Variants in SLCO5A1 observed in about 807,000 individuals in gnomAD.
SLCO5A1 encodes solute carrier organic anion transporter family member 5A1.
SLCO5A1 carries 39 observed loss-of-function variants against 65.1 expected under a neutral mutation model. The observed-to-expected ratio is 0.60, with a 90% CI of 0.46 to 0.78. The LOEUF (loss-of-function observed/expected upper bound fraction) is 0.78, where lower values mean the gene tolerates loss of function less well. SLCO5A1 is among the 30% of genes least tolerant of loss of function. SLCO5A1 has a pLI of 0.00. For missense variants in SLCO5A1, 1,029 were observed against 1,069.4 expected, an observed-to-expected ratio of 0.96 and a Z score of 0.53; for synonymous variants, 438 against 415.7, an observed-to-expected ratio of 1.05 and a Z score of -0.65.
Position 69,679,524 on chromosome 8 carries a change from G to A in SLCO5A1, c.1878C>T (p.Val626=), listed in dbSNP as rs773341656. 3.2e-5 allele frequency: 51 copies of A among 1,614,204 alleles called. 1 individual carries two copies. The highest frequency in any genetic ancestry group is 1.1e-4 in the East Asian group (5 of 44,880). Residue 626 remains valine, a synonymous_variant, in exon 8 of 10, where the codon GTC becomes GTT. Coordinates refer to ENST00000260126, the MANE Select transcript of SLCO5A1 (RefSeq NM_030958.3). ...GQRSQLRVVI[V]KTYLNENGYA... ...AGCCGTTCTCATTGAGATAAGTCTT[G>A]ACAATAACCACACGGAGCTGACTTC...
chr8:69,808,174 T>G (rs1183506961), intron 2 of SLCO5A1, among the ~76,000 whole-genome samples: 4 of 152,092 alleles, frequency 2.6e-5, no homozygotes, highest in African/African-American at 9.7e-5. Flanking sequence ...TTTTTTTTTT[T>G]TTTACTTTTA....
chr8:69,772,944 G>T, intron 2 of SLCO5A1: 4 of 985,366 alleles, frequency 4.1e-6, no homozygotes, highest in Non-Finnish European at 4.8e-6. Context: ...TCAGTGAGTG[G>T]GTGCAACAAG....
intron 2 of SLCO5A1, among the ~76,000 whole-genome samples, chr8:69,767,432 C>G (rs1464887225): frequency 6.6e-6 from 1 of 152,198 alleles, no homozygotes; most frequent in Non-Finnish European, 1.5e-5. Flanking sequence ...AGCTCCAATT[C>G]TCAACAATCT....
At chr8:69,807,067 C>T (rs758366692) in intron 2 of SLCO5A1, among the ~76,000 whole-genome samples, 2 of 152,186 alleles carry the variant, frequency 1.3e-5, no homozygotes, top group Non-Finnish European at 2.9e-5. Flanking sequence ...AAGCTGGAGG[C>T]ATCATATTAC....
At chr8:69,677,670 TG>T (rs1666689070) in intron 8 of SLCO5A1, among the ~76,000 whole-genome samples, 1 of 152,194 alleles carries the variant, frequency 6.6e-6, no homozygotes, top group Non-Finnish European at 1.5e-5. Context: ...AACAAACCAG[TG>T]GGCCTTTCAT....
Position 69,679,564 on chromosome 8 carries a change from G to A in SLCO5A1, c.1838C>T (p.Pro613Leu), listed in dbSNP as rs763578020. The stretch of plus-strand genomic sequence containing the variant: ...GAGCTGACTTCGCTGTCCCACGGTG[G>A]GTGGAGTGATCACTTGGCGACTTTG... Reference protein sequence around the residue: ...CVQSRQVITPPTVGQRSQLRV... With the variant: ...CVQSRQVITPLTVGQRSQLRV... The change falls in exon 8 of 10, where the codon CCC becomes CTC. Residue 613 changes from proline (P) to leucine (L), a missense_variant. Physicochemically the swap from Pro to Leu is moderately conservative, Grantham distance 98. This residue lies in a region of SLCO5A1 where 124 missense variants were observed against 184.5 expected (regional missense o/e 0.67). Coordinates refer to ENST00000260126, the MANE Select transcript of SLCO5A1 (RefSeq NM_030958.3). 5.0e-6 allele frequency: 8 copies of A among 1,614,072 alleles called. No individual in the cohort carries two copies. The East Asian group carries it at 8.9e-5, about 18-fold the overall frequency.
At chr8:69,753,466 G>T (rs1817409462) in intron 4 of SLCO5A1, among the ~76,000 whole-genome samples, 1 of 152,028 alleles carries the variant, frequency 6.6e-6, no homozygotes, top group South Asian at 2.1e-4. Flanking sequence ...AAAACAGTAG[G>T]GTCCAAAAAT....
chr8:69,823,924 G>A (rs948675174), intron 2 of SLCO5A1, among the ~76,000 whole-genome samples: 9 of 152,092 alleles, frequency 5.9e-5, no homozygotes, highest in Non-Finnish European at 1.3e-4. Flanking sequence ...ATAACAAACT[G>A]TCTCTCAGAC....
At chr8:69,697,267 A>G (rs2933059) in intron 6 of SLCO5A1, among the ~76,000 whole-genome samples, 75,530 of 151,952 alleles carry the variant, frequency 0.5, 20,337 homozygotes, top group African/African-American at 0.72. Flanking sequence ...GCTCATGCCT[A>G]TAATCCCAGC....
chr8:69,813,910 G>A (rs1820309288), intron 2 of SLCO5A1, among the ~76,000 whole-genome samples: 1 of 152,156 alleles, frequency 6.6e-6, no homozygotes, highest in South Asian at 2.1e-4. Flanking sequence ...CGGCTTTGGA[G>A]GAAGACCTGA....
chr8:69,755,350 T>C, intron 4 of SLCO5A1, 74 bp downstream of exon 4: 1 of 1,253,534 alleles, frequency 8.0e-7, no homozygotes, highest in Non-Finnish European at 1.1e-6. Flanking sequence ...GTAGACAGCA[T>C]GGGCCTGGGA....
chr8:69,698,834 T>C (rs1042512127), intron 6 of SLCO5A1, among the ~76,000 whole-genome samples: 2 of 152,214 alleles, frequency 1.3e-5, no homozygotes, highest in Non-Finnish European at 2.9e-5. Flanking sequence ...GGAAGTTATC[T>C]GAGGTTTTTT....
At chr8:69,748,946 T>C (rs1817158147) in intron 4 of SLCO5A1, among the ~76,000 whole-genome samples, 2 of 152,276 alleles carry the variant, frequency 1.3e-5, no homozygotes, top group African/African-American at 4.8e-5. Context: ...TAAAGGGCAC[T>C]GAGCAACCAT....
chr8:69,819,168 C>T (rs1275626573), intron 2 of SLCO5A1, among the ~76,000 whole-genome samples: 1 of 152,162 alleles, frequency 6.6e-6, no homozygotes, highest in Non-Finnish European at 1.5e-5. Context: ...CGCCACTGCT[C>T]CTCCTCAGGA....
intron 4 of SLCO5A1, among the ~76,000 whole-genome samples, chr8:69,748,401 C>T (rs978118663): frequency 1.3e-5 from 2 of 152,172 alleles, no homozygotes; most frequent in African/African-American, 4.8e-5. Context: ...GGTTTCTCTG[C>T]CTGGACTGTT....
chr8:69,682,577 T>G (rs1052963214), intron 6 of SLCO5A1, among the ~76,000 whole-genome samples: 2 of 152,206 alleles, frequency 1.3e-5, no homozygotes, highest in African/African-American at 2.4e-5. Flanking sequence ...ATCAAATTAC[T>G]GCCCCACATC....
intron 2 of SLCO5A1, among the ~76,000 whole-genome samples, chr8:69,812,964 T>A (rs1379458520): frequency 6.6e-6 from 1 of 152,110 alleles, no homozygotes; most frequent in East Asian, 1.9e-4. Context: ...AAAATGAAGT[T>A]CAAATCAGGA....
intron 4 of SLCO5A1, among the ~76,000 whole-genome samples, chr8:69,739,331 A>G (rs1816701014): frequency 6.6e-6 from 1 of 152,270 alleles, no homozygotes; most frequent in Admixed American, 6.5e-5. Context: ...ACATTTAAAG[A>G]TTCAAATTAA....
At chr8:69,772,664 G>T (rs1480147167) in intron 2 of SLCO5A1, among the ~76,000 whole-genome samples, 1 of 151,430 alleles carries the variant, frequency 6.6e-6, no homozygotes, top group African/African-American at 2.4e-5. Context: ...GAAAAGAAAT[G>T]ATTCTGGAGC....
Sources: gnomAD v4.1 joint callset for allele counts (sites outside exome capture counted in the v4.1 genomes callset) on GRCh38, gnomAD v4.1.1 for gene constraint, gnomAD v4.1.1 regional missense constraint, MANE v1.5 for transcripts, NCBI Gene and HGNC (gene_info 2026-07-23, HGNC 2026-07-21) for gene names.